The following MFN1 variants were observed in gnomAD, a reference collection of about 807,000 sequenced individuals.
MFN1 encodes the protein mitofusin-1.
Under a neutral mutation model 92.4 loss-of-function variants are expected in MFN1, and 65 were observed. The ratio of observed to expected loss-of-function variants is 0.70; its 90% CI spans 0.58 to 0.86. MFN1 has a LOEUF of 0.86. Ranked by LOEUF, MFN1 falls within the 40% of genes least tolerant of loss-of-function variation. The pLI is 0.00. For missense variants in MFN1, 781 were observed against 868.0 expected, an observed-to-expected ratio of 0.90 and a Z score of 1.26; for synonymous variants, 297 against 300.9, an observed-to-expected ratio of 0.99 and a Z score of 0.13.
intron 4 of MFN1, among the ~76,000 whole-genome samples, chr3:179,360,116 A>G (rs1446881369): frequency 1.3e-5 from 2 of 152,048 alleles, no homozygotes; most frequent in Non-Finnish European, 2.9e-5. Flanking sequence ...GGGTTTCACC[A>G]TATTGCCCAG....
At chr3:179,369,571 G>A (rs148855407) in intron 9 of MFN1, among the ~76,000 whole-genome samples, 197 of 152,138 alleles carry the variant, frequency 1.3e-3, no homozygotes, top group African/African-American at 4.4e-3. Flanking sequence ...AGAATATCTC[G>A]TTGAGGAGGT....
chr3:179,385,601 TC>T lies in MFN1; in HGVS notation c.1697del (p.Pro566LeufsTer16). 1 of 1,613,182 alleles carries T rather than the reference TC, an allele frequency of 6.2e-7. No individual in the cohort carries two copies. The highest frequency in any genetic ancestry group is 8.5e-7 in the Non-Finnish European group (1 of 1,179,860). ...PRSLASTPTAPTTPATPDNAS... is the reference protein window; with the variant it reads ...PRSLASTPTAXTTPATPDNAS... Reference sequence around the variant, plus strand: ...GATCTTTAGCTTCTACTCCCACTGCTCCTACCACTCCAGCAACGCCAGATAA... The same window carrying T: ...GATCTTTAGCTTCTACTCCCACTGCTCTACCACTCCAGCAACGCCAGATAA... On this transcript the variant is annotated frameshift_variant, in exon 15 of 18. Coordinates refer to ENST00000471841, the MANE Select transcript of MFN1 (RefSeq NM_033540.3). LOFTEE classifies it high-confidence loss of function.
Position 179,394,410 on chromosome 3 carries a change from T to G in MFN1, c.*2351T>G, listed in dbSNP as rs1326843121. ...AACAGTAAAATAACGAAAGCCAACT[T>G]TTTTTTTTTTTTTTTTTTTTTTTGA... On this transcript the variant is annotated 3_prime_UTR_variant, in exon 18 of 18. Coordinates refer to ENST00000471841, the MANE Select transcript of MFN1 (RefSeq NM_033540.3). 2 of 90,334 alleles carry G rather than the reference T, an allele frequency of 2.2e-5. No individual in the cohort carries two copies. The highest frequency in any genetic ancestry group is 4.8e-5 in the Non-Finnish European group (2 of 41,306). 5.6% of individuals were successfully genotyped at this position (90,334 alleles called of 1,614,324 possible). A position where few individuals can be genotyped will look rare whatever the true frequency, so the allele number is the denominator to read the frequency against.
intron 9 of MFN1, among the ~76,000 whole-genome samples, chr3:179,372,032 T>C (rs1208246082): frequency 1.4e-5 from 2 of 147,000 alleles, no homozygotes; most frequent in Non-Finnish European, 3.0e-5. Context: ...GCAAGACATG[T>C]ATTATATATA....
intron 14 of MFN1, among the ~76,000 whole-genome samples, chr3:179,385,343 A>C (rs963505398): frequency 1.1e-4 from 17 of 151,808 alleles, no homozygotes; most frequent in African/African-American, 3.9e-4. Flanking sequence ...TGTTACATTT[A>C]GACCCCATTG....
chr3:179,360,559 A>T (rs74973138), intron 4 of MFN1, among the ~76,000 whole-genome samples: 7 of 146,518 alleles, frequency 4.8e-5, no homozygotes, highest in South Asian at 2.2e-4. Context: ...CAAAAAAAAA[A>T]AAAAATAAAA....
chr3:179,366,661 C>G (rs1712807089), intron 7 of MFN1, among the ~76,000 whole-genome samples: 1 of 152,152 alleles, frequency 6.6e-6, no homozygotes, highest in Non-Finnish European at 1.5e-5. Context: ...TGTTGTCTTA[C>G]AGTCTTGCTC....
chr3:179,365,984 CCTT>C (rs1190001646), intron 7 of MFN1, among the ~76,000 whole-genome samples: 1 of 152,064 alleles, frequency 6.6e-6, no homozygotes, highest in Non-Finnish European at 1.5e-5. Context: ...TTGTATATGT[CCTT>C]CTGGTATGCA....
intron 14 of MFN1, among the ~76,000 whole-genome samples, chr3:179,385,208 C>T (rs998900140): frequency 6.5e-5 from 8 of 123,594 alleles, no homozygotes; most frequent in Admixed American, 3.7e-4. Flanking sequence ...CCACCGCGCC[C>T]GGCCGAAGTC....
intron 9 of MFN1, among the ~76,000 whole-genome samples, chr3:179,369,153 C>G (rs1386095427): frequency 6.6e-6 from 1 of 152,166 alleles, no homozygotes; most frequent in Non-Finnish European, 1.5e-5. Context: ...TACTCAAAGA[C>G]TATTGTTTGT....
intron 2 of MFN1, among the ~76,000 whole-genome samples, chr3:179,349,997 C>A (rs1226941229): frequency 6.6e-6 from 1 of 151,834 alleles, no homozygotes; most frequent in African/African-American, 2.4e-5. Flanking sequence ...ACTAAAAATA[C>A]AAAAATTAGC....
intron 9 of MFN1, among the ~76,000 whole-genome samples, chr3:179,372,034 TTATA>T (rs1041648717): frequency 6.8e-6 from 1 of 146,910 alleles, no homozygotes. Flanking sequence ...AAGACATGTA[TTATA>T]TATATTATAT....
chr3:179,377,026 C>G lies in MFN1; in HGVS notation c.1098-16C>G. 1 of 1,612,000 alleles carries G rather than the reference C, an allele frequency of 6.2e-7. No homozygotes were observed. The highest frequency in any genetic ancestry group is 8.5e-7 in the Non-Finnish European group (1 of 1,179,222). ...CAGACTACCCTGAACGTTGATTACT[C>G]TTTATACTGAAATAGGCATTATTCA... On this transcript the variant is annotated splice_polypyrimidine_tract_variant and intron_variant, in intron 10 of 17. Coordinates refer to ENST00000471841, the MANE Select transcript of MFN1 (RefSeq NM_033540.3).
At position 179,377,164 on chromosome 3, in the gene MFN1, A is replaced by G; in HGVS notation, c.1220A>G (p.Asn407Ser). ...KIKEVTEEVA[N>S]KVSCAMTDEI... Reference sequence around the variant, plus strand: ...AAGGAGGTTACCGAGGAGGTGGCAAACAAAGTGGGTAACAGTAGCTTCATG... The same window carrying G: ...AAGGAGGTTACCGAGGAGGTGGCAAGCAAAGTGGGTAACAGTAGCTTCATG... The change falls in exon 11 of 18, where the codon AAC becomes AGC. Residue 407 changes from asparagine (N) to serine (S), a missense_variant. Transcript: ENST00000471841. The G allele has an allele frequency of 6.2e-7, 1 of 1,613,300 alleles. No individual in the cohort carries two copies. The highest frequency in any genetic ancestry group is 8.5e-7 in the Non-Finnish European group (1 of 1,179,682).
At chr3:179,372,820 T>C (rs1166409196) in intron 9 of MFN1, among the ~76,000 whole-genome samples, 1 of 152,208 alleles carries the variant, frequency 6.6e-6, no homozygotes, top group Non-Finnish European at 1.5e-5. Context: ...TTTTTCCTTT[T>C]AAAAATATTT....
chr3:179,356,346 G>A (rs1271965613), intron 3 of MFN1, among the ~76,000 whole-genome samples: 2 of 152,212 alleles, frequency 1.3e-5, no homozygotes, highest in Non-Finnish European at 2.9e-5. Flanking sequence ...TCATGGTTAC[G>A]CTGGGAGAGT....
Position 179,392,965 on chromosome 3 carries a change from TGAAA to T in MFN1, c.*909_*912del, listed in dbSNP as rs1428491182. 6.6e-6 allele frequency: 1 copy of T among 152,240 alleles called. No individual in the cohort carries two copies. The highest frequency in any genetic ancestry group is 1.5e-5 in the Non-Finnish European group (1 of 68,042). 9.4% of individuals were successfully genotyped at this position (152,240 alleles called of 1,614,324 possible). The stretch of plus-strand genomic sequence containing the variant: ...ATTATTATTGTATTTTTTACCTTAA[TGAAA>T]GATTTTGGGTTCAAATATCTTTCTA... On this transcript the variant is annotated 3_prime_UTR_variant, in exon 18 of 18. Coordinates refer to ENST00000471841, the MANE Select transcript of MFN1 (RefSeq NM_033540.3).
intron 3 of MFN1, among the ~76,000 whole-genome samples, chr3:179,356,634 A>C (rs763529112): frequency 1.3e-5 from 2 of 152,092 alleles, no homozygotes; most frequent in Non-Finnish European, 2.9e-5. Context: ...CTATTTCCAC[A>C]GTTGTTTTTT....
Position 179,378,386 on chromosome 3 carries a change from G to A in MFN1, c.1375G>A (p.Asp459Asn), listed in dbSNP as rs751130251. 9 of 1,605,688 alleles carry A rather than the reference G, an allele frequency of 5.6e-6. No homozygotes were observed. The highest frequency in any genetic ancestry group is 2.7e-5 in the African/African-American group (2 of 74,222). ...IEDGMGRNLA[D>N]RCTDEVNALV... is the part of the protein sequence containing the mutation. ...GGATGGTATGGGAAGAAATTTGGCT[G>A]ATCGATGCACCGATGAAGTAAACGC... Residue 459 changes from aspartate to asparagine, a missense_variant, in exon 13 of 18, where the codon GAT (aspartate) becomes AAT (asparagine). By Grantham distance (23) the Asp-to-Asn change is conservative. Transcript: ENST00000471841.
Sources: allele counts gnomAD v4.1 joint callset (sites outside exome capture counted in the v4.1 genomes callset), GRCh38; gene constraint gnomAD v4.1.1; transcripts MANE v1.5; gene names NCBI Gene and HGNC (gene_info 2026-07-23, HGNC 2026-07-21).